RLF: variants seen among roughly 807,000 people sequenced by gnomAD.
RLF encodes zinc finger protein Rlf.
In RLF, 7 loss-of-function variants were observed where a neutral mutation model predicts 162.9. The ratio of observed to expected loss-of-function variants is 0.04; its 90% confidence interval spans 0.02 to 0.08. The LOEUF (loss-of-function observed/expected upper bound fraction) is 0.08, where lower values mean the gene tolerates loss of function less well. Among genes scored for constraint, RLF ranks in the 10% least tolerant of loss-of-function variants. The pLI, the probability that RLF is intolerant of heterozygous loss-of-function variation, is 1.00. For missense variants in RLF, 1,664 were observed against 2,244.7 expected (o/e 0.74, Z 5.23); for synonymous variants, 782 against 791.5 (o/e 0.99, Z 0.20).
chr1:40,178,605 A>G (rs1366361464), intron 1 of RLF, among the ~76,000 whole-genome samples: 2 of 149,622 alleles, frequency 1.3e-5, no homozygotes, highest in African/African-American at 2.5e-5. Flanking sequence ...TTTGAACCCA[A>G]AGCTGTCTTT....
chr1:40,239,403 G>A lies in RLF; in HGVS notation c.4701G>A (p.Val1567=). The A allele has an allele frequency of 6.2e-7, 1 of 1,614,014 alleles. No individual in the cohort carries two copies. The highest frequency in any genetic ancestry group is 8.5e-7 in the Non-Finnish European group (1 of 1,180,040). Residue 1567 remains valine (V), a synonymous_variant, in exon 8 of 8, where the codon GTG becomes GTA. Coordinates refer to ENST00000372771, the MANE Select transcript of RLF (RefSeq NM_012421.4). ...LSVVKLESSI[V]RHYKRTHQMS... ...TGGTGAAGTTGGAGAGCAGCATTGT[G>A]AGGCATTACAAACGCACTCATCAGA... is the stretch of plus-strand genomic sequence containing the variant.
chr1:40,220,416 T>A (rs1420811750), intron 5 of RLF, among the ~76,000 whole-genome samples: 1 of 152,218 alleles, frequency 6.6e-6, no homozygotes, highest in African/African-American at 2.4e-5. Flanking sequence ...GTTCACTCTC[T>A]CTTTGCCATG....
intron 1 of RLF, among the ~76,000 whole-genome samples, chr1:40,173,412 AT>A (rs976949100): frequency 1.4e-4 from 21 of 149,480 alleles, no homozygotes; most frequent in African/African-American, 4.2e-4. Flanking sequence ...AGACATTTAC[AT>A]TTTTTTTTGT....
At position 40,189,741 on chromosome 1, in the gene RLF, G is replaced by T. The variant is rs370491679; in HGVS notation, c.392+532G>T. Among the ~76,000 whole-genome samples, 13 of 152,180 alleles carry T rather than the reference G, an allele frequency of 8.5e-5. 1 individual carries two copies. The highest frequency in any genetic ancestry group is 3.9e-4 in the East Asian group (2 of 5,170). ...CGCTTGAACCTGGGAGGTGGAGGTT[G>T]CAGTGAGCCAAGATGGCGCCACTGC... On this transcript the variant is annotated intron_variant, in intron 2 of 7. Transcript: ENST00000372771.
Position 40,161,450 on chromosome 1 carries a change from G to A in RLF, c.51G>A (p.Glu17=), listed in dbSNP as rs1048717063. The A allele has an allele frequency of 1.9e-6, 3 of 1,579,128 alleles. No homozygotes were observed. The highest frequency in any genetic ancestry group is 2.6e-6 in the Non-Finnish European group (3 of 1,164,644). The part of the protein sequence containing the change: ...DAAAVAGAGA[E]APAVAGAGDG... ...CCGCTGTCGCCGGGGCTGGGGCTGA[G>A]GCTCCGGCGGTAGCGGGAGCCGGAG... Residue 17 remains glutamate, a synonymous_variant, in exon 1 of 8, where the codon GAG becomes GAA. Coordinates refer to ENST00000372771, the MANE Select transcript of RLF (RefSeq NM_012421.4). This position sits in a 1 kb window ranked among gnomAD's most constrained non-coding sequence, Gnocchi z 4.4.
intron 5 of RLF, among the ~76,000 whole-genome samples, chr1:40,212,972 T>G (rs948020881): frequency 2.6e-5 from 4 of 152,182 alleles, no homozygotes; most frequent in African/African-American, 4.8e-5. Flanking sequence ...TTAATTAAGT[T>G]TAAAATATGC....
chr1:40,212,265 G>A (rs1642874301), intron 5 of RLF, among the ~76,000 whole-genome samples: 1 of 152,188 alleles, frequency 6.6e-6, no homozygotes, highest in Admixed American at 6.5e-5. Context: ...AATTGACTGG[G>A]TCATCTGAAA....
At chr1:40,195,184 T>C (rs1642617108) in intron 3 of RLF, among the ~76,000 whole-genome samples, 1 of 149,720 alleles carries the variant, frequency 6.7e-6, no homozygotes, top group South Asian at 2.2e-4. Context: ...ACGCGATGGC[T>C]CAACACCTAT....
chr1:40,174,972 G>A (rs1247192766), intron 1 of RLF, among the ~76,000 whole-genome samples: 1 of 152,028 alleles, frequency 6.6e-6, no homozygotes, highest in Non-Finnish European at 1.5e-5. Flanking sequence ...GACCAAGGCG[G>A]GAGGATCTCT....
chr1:40,206,919 C>G (rs1642803097), intron 5 of RLF, among the ~76,000 whole-genome samples: 1 of 152,196 alleles, frequency 6.6e-6, no homozygotes, highest in Admixed American at 6.5e-5. Flanking sequence ...AGGCCTTCCT[C>G]GCTGTCTCAT....
chr1:40,209,311 A>G (rs1434610761), intron 5 of RLF, among the ~76,000 whole-genome samples: 5 of 152,224 alleles, frequency 3.3e-5, no homozygotes, highest in Admixed American at 3.3e-4. Flanking sequence ...TATTTTCCTT[A>G]TCTATAAAGT....
At chr1:40,210,933 G>A (rs973533394) in intron 5 of RLF, among the ~76,000 whole-genome samples, 3 of 152,184 alleles carry the variant, frequency 2.0e-5, no homozygotes, top group African/African-American at 7.2e-5. Context: ...TCCTGATTGT[G>A]TTGAGTTTGC....
Position 40,190,766 on chromosome 1 carries a change from T to A in RLF, c.393-6T>A, listed in dbSNP as rs563655330. On this transcript the variant is annotated splice_polypyrimidine_tract_variant and splice_region_variant and intron_variant, in intron 2 of 7. Transcript: ENST00000372771. ...ACCTTTATATACTTACTCATTTTTA[T>A]TGTAGGAGTTGTTTCGAATTACTGC... is the stretch of plus-strand genomic sequence containing the variant. 1 of 1,591,586 alleles carries A rather than the reference T, an allele frequency of 6.3e-7. No homozygotes were observed. The highest frequency in any genetic ancestry group is 1.3e-5 in the African/African-American group (1 of 74,468).
rs1239945354 is a variant in RLF, at chr1:40,190,799, G to C, written c.420G>C (p.Val140=). The change falls in exon 3 of 8, where the codon GTG becomes GTC. Residue 140 remains valine, a synonymous_variant. Coordinates refer to ENST00000372771, the MANE Select transcript of RLF (RefSeq NM_012421.4). ...GTTGTTTCGAATTACTGCTTTCAGTGTCTGAAAGTGAACTGCCATGTGAAG... is the reference window on the plus strand; with the variant it reads ...GTTGTTTCGAATTACTGCTTTCAGTCTCTGAAAGTGAACTGCCATGTGAAG... ...VLSCFELLLS[V]SESELPCEVW... is the part of the protein sequence containing the mutation. The C allele has an allele frequency of 6.2e-7, 1 of 1,611,812 alleles. No individual in the cohort carries two copies. Among genetic ancestry groups the C allele is most frequent in the Admixed American group, 1.7e-5 (1 of 59,886 alleles).
chr1:40,240,000 T>C lies in RLF; in HGVS notation c.5298T>C (p.Pro1766=), dbSNP rs761225338. 7.4e-6 allele frequency: 12 copies of C among 1,613,894 alleles called. No individual in the cohort carries two copies. In the South Asian group the frequency reaches 1.3e-4, roughly 18 times the overall value. ...CATTTGATTTGAAGACTTACAAACC[T>C]ATGGGATTTGAATCTTCATTTCTGA... The part of the protein sequence containing the change: ...PRSFDLKTYK[P]MGFESSFLKF... Residue 1766 remains proline (P), a synonymous_variant, in exon 8 of 8, where the codon CCT becomes CCC. Coordinates refer to ENST00000372771, the MANE Select transcript of RLF (RefSeq NM_012421.4).
At chr1:40,214,644 G>A (rs953968147) in intron 5 of RLF, among the ~76,000 whole-genome samples, 2 of 152,070 alleles carry the variant, frequency 1.3e-5, no homozygotes, top group African/African-American at 4.8e-5. Flanking sequence ...AGGAGGCCAG[G>A]TGAGGTGCCT....
At chr1:40,178,830 A>G (rs976614921) in intron 1 of RLF, among the ~76,000 whole-genome samples, 7 of 150,794 alleles carry the variant, frequency 4.6e-5, no homozygotes, top group Non-Finnish European at 8.9e-5. Context: ...CCGCCTTATC[A>G]CCATTTTTTA....
intron 7 of RLF, among the ~76,000 whole-genome samples, chr1:40,235,519 T>G (rs1643206154): frequency 6.6e-6 from 1 of 152,230 alleles, no homozygotes; most frequent in South Asian, 2.1e-4. Context: ...ATTTATTGTT[T>G]ATGCATTCGG....
At chr1:40,170,131 CT>C (rs920619953) in intron 1 of RLF, among the ~76,000 whole-genome samples, 1 of 151,564 alleles carries the variant, frequency 6.6e-6, no homozygotes, top group African/African-American at 2.4e-5. Context: ...AGTCACATTG[CT>C]TTTTTTTTCC....
Sources: gnomAD v4.1 joint callset for allele counts (sites outside exome capture counted in the v4.1 genomes callset) on GRCh38, gnomAD v4.1.1 for gene constraint, Gnocchi (gnomAD v3.1) non-coding constraint, MANE v1.5 for transcripts, NCBI Gene and HGNC (gene_info 2026-07-23, HGNC 2026-07-21) for gene names.